KCNIP4: variants seen among roughly 807,000 people sequenced by gnomAD.
The protein encoded by KCNIP4 is potassium voltage-gated channel interacting protein 4.
A neutral mutation model predicts 34.0 loss-of-function variants in KCNIP4; 12 were observed. The observed-to-expected ratio is 0.35, with a 90% CI of 0.23 to 0.57. The LOEUF (loss-of-function observed/expected upper bound fraction) is 0.57. Ranked by LOEUF, KCNIP4 falls within the 20% of genes least tolerant of loss-of-function variation. The probability of loss-of-function intolerance (pLI) is 0.83; values close to 1 mark genes in which losing one functional copy is unlikely to be tolerated. For missense variants in KCNIP4, 238 were observed against 311.7 expected, an observed-to-expected ratio of 0.76 and a Z score of 1.78; for synonymous variants, 124 against 102.2, an observed-to-expected ratio of 1.21 and a Z score of -1.29.
At chr4:21,660,449 A>G (rs1280864671) in intron 1 of KCNIP4, among the ~76,000 whole-genome samples, 1 of 152,170 alleles carries the variant, frequency 6.6e-6, no homozygotes, top group Non-Finnish European at 1.5e-5. Context: ...AATATATAAC[A>G]TATTTTTACT....
chr4:21,462,119 T>A (rs912348953), intron 1 of KCNIP4, among the ~76,000 whole-genome samples: 1 of 152,066 alleles, frequency 6.6e-6, no homozygotes, highest in Non-Finnish European at 1.5e-5. Context: ...ATCACCCTAC[T>A]GTGCAATAGA....
intron 1 of KCNIP4, among the ~76,000 whole-genome samples, chr4:21,363,844 A>G (rs922774934): frequency 6.6e-6 from 1 of 152,166 alleles, no homozygotes. Flanking sequence ...TCAAGGAAGT[A>G]TAAGGATTAG....
At chr4:21,122,098 A>G (rs183348419) in intron 1 of KCNIP4, among the ~76,000 whole-genome samples, 6 of 152,336 alleles carry the variant, frequency 3.9e-5, no homozygotes, top group African/African-American at 1.4e-4. Context: ...AAATTTACTA[A>G]AAATTTCTCT....
At chr4:21,937,047 T>G (rs1421651693) in intron 1 of KCNIP4, among the ~76,000 whole-genome samples, 1 of 152,104 alleles carries the variant, frequency 6.6e-6, no homozygotes, top group East Asian at 1.9e-4. Context: ...CAGTTTAATT[T>G]GATAGCCAGC....
At chr4:20,869,294 C>A (rs1230859184) in intron 2 of KCNIP4, among the ~76,000 whole-genome samples, 5 of 152,042 alleles carry the variant, frequency 3.3e-5, no homozygotes, top group Non-Finnish European at 7.4e-5. Flanking sequence ...GTTCCTTCTA[C>A]TTTTAACCTA....
intron 1 of KCNIP4, among the ~76,000 whole-genome samples, chr4:21,462,769 G>C (rs1228236869): frequency 2.0e-5 from 1 of 49,410 alleles, no homozygotes; most frequent in African/African-American, 2.9e-4. Flanking sequence ...ATTCCATTGT[G>C]TGTGTGTGTG....
chr4:21,110,153 A>C (rs1037260949), intron 1 of KCNIP4, among the ~76,000 whole-genome samples: 1 of 152,184 alleles, frequency 6.6e-6, no homozygotes, highest in African/African-American at 2.4e-5. Context: ...AAGTTGTTGC[A>C]CTTTTTTGAG....
chr4:21,141,203 A>C (rs1751922986), intron 1 of KCNIP4, among the ~76,000 whole-genome samples: 1 of 152,232 alleles, frequency 6.6e-6, no homozygotes, highest in Admixed American at 6.5e-5. Context: ...GGTGACACAG[A>C]GACATGAAGT....
At chr4:21,266,914 C>T (rs528077874) in intron 1 of KCNIP4, among the ~76,000 whole-genome samples, 2 of 152,236 alleles carry the variant, frequency 1.3e-5, no homozygotes, top group Non-Finnish European at 2.9e-5. Context: ...TAAGACATTG[C>T]CTTAACGATC....
intron 1 of KCNIP4, among the ~76,000 whole-genome samples, chr4:21,790,668 T>C (rs982789129): frequency 4.6e-5 from 7 of 152,082 alleles, no homozygotes; most frequent in African/African-American, 7.2e-5. Flanking sequence ...TTCCACACTG[T>C]ACTCATAAAG....
intron 1 of KCNIP4, among the ~76,000 whole-genome samples, chr4:21,313,461 C>T (rs1028763972): frequency 1.4e-4 from 21 of 152,174 alleles, no homozygotes; most frequent in African/African-American, 4.6e-4. Flanking sequence ...AGTTTAATTA[C>T]TAACAATTCT....
At chr4:20,758,942 T>A (rs770159821) in intron 3 of KCNIP4, 52 bp from the exon 4 acceptor site, 17 of 1,434,140 alleles carry the variant, frequency 1.2e-5, no homozygotes, top group Non-Finnish European at 1.7e-5. Flanking sequence ...TAAAACTGAA[T>A]TTTTTTTGCA....
intron 1 of KCNIP4, among the ~76,000 whole-genome samples, chr4:21,322,976 A>G (rs1237797310): frequency 6.6e-6 from 1 of 151,986 alleles, no homozygotes; most frequent in African/African-American, 2.4e-5. Flanking sequence ...CATAATTGAT[A>G]ATTGTGCAGA....
chr4:21,074,636 C>T (rs1443153928), intron 1 of KCNIP4, among the ~76,000 whole-genome samples: 3 of 152,226 alleles, frequency 2.0e-5, no homozygotes, highest in Middle Eastern at 6.8e-3. Flanking sequence ...TCTCTGTCTC[C>T]TTCAGTTCTG....
chr4:21,277,304 CT>C (rs35926550), intron 1 of KCNIP4, among the ~76,000 whole-genome samples: 6,378 of 152,184 alleles, frequency 0.042, 450 homozygotes, highest in African/African-American at 0.15. Context: ...TTATCTCACT[CT>C]GAAATATTCA....
intron 1 of KCNIP4, among the ~76,000 whole-genome samples, chr4:21,519,360 A>ATGTATGTT (rs1735068757): frequency 6.6e-6 from 1 of 151,076 alleles, no homozygotes; most frequent in Non-Finnish European, 1.5e-5. Flanking sequence ...ACACACACAC[A>ATGTATGTT]CACACACACA....
At chr4:21,253,394 A>G (rs1188583828) in intron 1 of KCNIP4, among the ~76,000 whole-genome samples, 2 of 152,202 alleles carry the variant, frequency 1.3e-5, no homozygotes, top group Non-Finnish European at 2.9e-5. Flanking sequence ...TCAGTAGGTT[A>G]TTGATGACAT....
rs1231420129 is a variant in KCNIP4 at position 21,091,925 on chromosome 4, A to T, written c.62-209216T>A. Among the ~76,000 whole-genome samples, 4 of 152,156 alleles carry T rather than the reference A, an allele frequency of 2.6e-5. No individual in the cohort carries two copies. In the East Asian group the frequency reaches 5.8e-4, roughly 22 times the overall value. On this transcript the variant is annotated intron_variant, in intron 1 of 8. Transcript: ENST00000382152. ...GAGGGGAAACCAACATTCAGTCCAT[A>T]AGACCATGAAAAATAACAATTTTTA...
At chr4:21,102,137 G>A (rs1403992182) in intron 1 of KCNIP4, among the ~76,000 whole-genome samples, 1 of 152,142 alleles carries the variant, frequency 6.6e-6, no homozygotes, top group African/African-American at 2.4e-5. Flanking sequence ...TACGATGTAG[G>A]TTTTTTAGTG....
Sources: allele counts gnomAD v4.1 joint callset (sites outside exome capture counted in the v4.1 genomes callset), GRCh38; gene constraint gnomAD v4.1.1; transcripts MANE v1.5; gene names NCBI Gene and HGNC (gene_info 2026-07-23, HGNC 2026-07-21).